The following ELAC1 variants were observed in gnomAD, a reference collection of about 807,000 sequenced individuals.
ELAC1 encodes elaC ribonuclease Z 1, also known as zinc phosphodiesterase ELAC protein 1.
In ELAC1, 19 loss-of-function variants were observed where a neutral mutation model predicts 25.8. The ratio of observed to expected loss-of-function variants is 0.74; its 90% CI spans 0.51 to 1.08. The LOEUF is 1.08. Among genes scored for constraint, ELAC1 ranks in the 50% least tolerant of loss-of-function variants. The pLI, the probability that ELAC1 is intolerant of heterozygous loss-of-function variation, is 0.00. For missense variants in ELAC1, 403 were observed against 434.6 expected (o/e 0.93, Z 0.65); for synonymous variants, 148 against 160.9 (o/e 0.92, Z 0.61).
In ELAC1 at chr18:50,984,553, T is replaced by C. The variant is rs1908050086; in HGVS notation, c.615T>C (p.Leu205=). 1 of 1,610,636 alleles carries C rather than the reference T, an allele frequency of 6.2e-7. No individual in the cohort carries two copies. Among genetic ancestry groups the C allele is most frequent in the Non-Finnish European group, 8.5e-7 (1 of 1,178,622 alleles). Residue 205 remains leucine (L), a synonymous_variant, in exon 3 of 4, where the codon CTT becomes CTC. Transcript: ENST00000269466. The part of the protein sequence containing the change: ...KRPGKLNAQK[L]KDLGVPPGPA... Reference sequence around the variant, plus strand: ...CAGGTAAACTCAATGCACAGAAACTTAAAGACCTTGGTAAGTGTTTTTTTG... The same window carrying C: ...CAGGTAAACTCAATGCACAGAAACTCAAAGACCTTGGTAAGTGTTTTTTTG...
chr18:50,973,835 A>G (rs1020945364), intron 1 of ELAC1, among the ~76,000 whole-genome samples: 3 of 152,160 alleles, frequency 2.0e-5, no homozygotes, highest in African/African-American at 4.8e-5. Context: ...TTAAGGGCTC[A>G]TGAAAAAAAA....
intron 2 of ELAC1, among the ~76,000 whole-genome samples, chr18:50,976,392 G>C (rs912661498): frequency 2.0e-5 from 3 of 152,108 alleles, no homozygotes; most frequent in Admixed American, 1.3e-4. Flanking sequence ...GGCTGGGGAG[G>C]CCTCACAATC....
At chr18:50,985,193 A>G (rs549948619) in intron 3 of ELAC1, among the ~76,000 whole-genome samples, 107 of 152,286 alleles carry the variant, frequency 7.0e-4, no homozygotes, top group African/African-American at 2.5e-3. Context: ...TTTTAGGTCC[A>G]GGCTTTATTT....
chr18:50,975,585 T>G (rs941433096), intron 2 of ELAC1, among the ~76,000 whole-genome samples: 2 of 151,660 alleles, frequency 1.3e-5, no homozygotes, highest in African/African-American at 4.8e-5. Flanking sequence ...TGGAACTTAC[T>G]TTAGTGAATG....
intron 2 of ELAC1, among the ~76,000 whole-genome samples, chr18:50,978,733 G>A (rs556969218): frequency 6.6e-6 from 1 of 152,276 alleles, no homozygotes; most frequent in South Asian, 2.1e-4. Context: ...AGAGATACTT[G>A]TAGAAATAAG....
At chr18:50,973,515 G>A (rs139291700) in intron 1 of ELAC1, among the ~76,000 whole-genome samples, 50 of 152,248 alleles carry the variant, frequency 3.3e-4, no homozygotes, top group African/African-American at 1.1e-3. Flanking sequence ...TGAGACATTT[G>A]TTCAGCATTA....
chr18:50,971,918 A>G lies in ELAC1; in HGVS notation c.-8-2479A>G, dbSNP rs1416445389. Reference sequence around the variant, plus strand: ...TATATGTGTGTGTGTGTGTGTATATATATATATATATATATATATATATAT... The same window carrying G: ...TATATGTGTGTGTGTGTGTGTATATGTATATATATATATATATATATATAT... On this transcript the variant is annotated intron_variant, in intron 1 of 3. Coordinates refer to ENST00000269466, the MANE Select transcript of ELAC1 (RefSeq NM_018696.3). 6.2e-4 allele frequency among the ~76,000 whole-genome samples: 50 copies of G among 80,606 alleles called. 1 individual carries two copies. Among genetic ancestry groups the G allele is most frequent in the African/African-American group, 1.0e-3 (34 of 32,546 alleles). The allele number at this position is 80,606 out of a possible 152,430, so 52.9% of individuals were successfully genotyped here. A position where few individuals can be genotyped will look rare whatever the true frequency, so the allele number is the denominator to read the frequency against.
At chr18:50,979,335 C>A (rs1907879727) in intron 2 of ELAC1, among the ~76,000 whole-genome samples, 1 of 152,128 alleles carries the variant, frequency 6.6e-6, no homozygotes, top group African/African-American at 2.4e-5. Flanking sequence ...GCTGGGGTTA[C>A]AATTTCATCA....
rs540883137 is a variant in ELAC1 at position 50,970,552 on chromosome 18, C to T, written c.-9+2438C>T. Among the ~76,000 whole-genome samples, 112 of 151,974 alleles carry T rather than the reference C, an allele frequency of 7.4e-4. 3 individuals carry two copies. The South Asian group carries it at 0.022, about 30-fold the overall frequency. On this transcript the variant is annotated intron_variant, in intron 1 of 3. Coordinates refer to ENST00000269466, the MANE Select transcript of ELAC1 (RefSeq NM_018696.3). ...AAAGGGATGTTAGCAATAACCTCAA[C>T]GCTATGCTTAAGGTAGAGATGCACC... is the stretch of plus-strand genomic sequence containing the variant.
At chr18:50,979,170 A>G (rs1296296632) in intron 2 of ELAC1, among the ~76,000 whole-genome samples, 1 of 152,246 alleles carries the variant, frequency 6.6e-6, no homozygotes, top group Admixed American at 6.5e-5. Flanking sequence ...TACTTGTGTT[A>G]GTTATCTGAT....
chr18:50,985,804 A>G (rs1908092876), intron 3 of ELAC1, among the ~76,000 whole-genome samples: 1 of 152,198 alleles, frequency 6.6e-6, no homozygotes. Context: ...AGTATTGTCC[A>G]TAGTGATGAT....
intron 2 of ELAC1, among the ~76,000 whole-genome samples, chr18:50,977,742 A>G (rs1208401478): frequency 2.6e-5 from 4 of 152,210 alleles, no homozygotes; most frequent in Non-Finnish European, 5.9e-5. Context: ...TTTCTGTTAC[A>G]TCATCAGGAT....
Position 50,981,147 on chromosome 18 carries a change from A to T in ELAC1, c.158-2949A>T, listed in dbSNP as rs1371272956. ...CCATGTATATTATTCTACACCCTATACTTATGTGTACACATGAAATGATTA... is the reference window on the plus strand; with the variant it reads ...CCATGTATATTATTCTACACCCTATTCTTATGTGTACACATGAAATGATTA... On this transcript the variant is annotated intron_variant, in intron 2 of 3. Transcript: ENST00000269466. Among the ~76,000 whole-genome samples, 5 of 148,960 alleles carry T rather than the reference A, an allele frequency of 3.4e-5. No homozygotes were observed. In the Admixed American group the frequency reaches 3.4e-4, roughly 10 times the overall value.
At position 50,978,535 on chromosome 18, in the gene ELAC1, T is replaced by C. The variant is rs1371979130; in HGVS notation, c.157+3974T>C. Among the ~76,000 whole-genome samples, 3 of 152,140 alleles carry C rather than the reference T, an allele frequency of 2.0e-5. No homozygotes were observed. In the East Asian group the frequency reaches 5.8e-4, roughly 29 times the overall value. On this transcript the variant is annotated intron_variant, in intron 2 of 3. Coordinates refer to ENST00000269466, the MANE Select transcript of ELAC1 (RefSeq NM_018696.3). ...GTCACGAGAACAGCATGAGAAAACCTGCTCCCATGATTCAATTACTTCCCA... is the reference window on the plus strand; with the variant it reads ...GTCACGAGAACAGCATGAGAAAACCCGCTCCCATGATTCAATTACTTCCCA...
intron 2 of ELAC1, among the ~76,000 whole-genome samples, chr18:50,979,944 T>C (rs1907898842): frequency 6.6e-6 from 1 of 152,140 alleles, no homozygotes; most frequent in Non-Finnish European, 1.5e-5. Flanking sequence ...TTGCCCAGGC[T>C]GATGTCAAAC....
chr18:50,986,171 C>CA (rs1374450765), intron 3 of ELAC1, among the ~76,000 whole-genome samples: 2 of 151,936 alleles, frequency 1.3e-5, no homozygotes, highest in African/African-American at 4.8e-5. Context: ...AGGTGTGCAC[C>CA]ACTGCACCTG....
intron 2 of ELAC1, among the ~76,000 whole-genome samples, chr18:50,978,416 G>A (rs1028497732): frequency 1.3e-5 from 2 of 152,214 alleles, no homozygotes; most frequent in African/African-American, 4.8e-5. Flanking sequence ...GGAAGGCAAA[G>A]GCAAAGGTAT....
chr18:50,969,301 T>A (rs1367728163), intron 1 of ELAC1: 1 of 152,226 alleles, frequency 6.6e-6, no homozygotes, highest in Non-Finnish European at 1.5e-5. Flanking sequence ...CGGTTCACGT[T>A]TTCTACAACC....
In ELAC1 at chr18:50,984,377, C is replaced by T; in HGVS notation, c.439C>T (p.Pro147Ser). The change falls in exon 3 of 4, where the codon CCT (proline) becomes TCT (serine). Residue 147 changes from proline (P) to serine (S), a missense_variant. Coordinates refer to ENST00000269466, the MANE Select transcript of ELAC1 (RefSeq NM_018696.3). ...TGCGCATGTGAATAGAGCAGACAGTCCTCCCAAAGAGGAACAAGGAAGAAC... is the reference window on the plus strand; with the variant it reads ...TGCGCATGTGAATAGAGCAGACAGTTCTCCCAAAGAGGAACAAGGAAGAAC... ...EFAHVNRADS[P>S]PKEEQGRTIL... 1.2e-6 allele frequency: 2 copies of T among 1,614,164 alleles called. No individual in the cohort carries two copies. Among genetic ancestry groups the T allele is most frequent in the Non-Finnish European group, 1.7e-6 (2 of 1,180,036 alleles).
Sources: allele counts gnomAD v4.1 joint callset (sites outside exome capture counted in the v4.1 genomes callset), GRCh38; gene constraint gnomAD v4.1.1; transcripts MANE v1.5; gene names NCBI Gene and HGNC (gene_info 2026-07-23, HGNC 2026-07-21).